Variants in NUBPL observed in about 807,000 individuals in gnomAD.
NUBPL encodes the protein iron-sulfur cluster transfer protein NUBPL.
A neutral mutation model predicts 45.7 loss-of-function variants in NUBPL; 31 were observed. The observed-to-expected ratio is 0.68, with a 90% CI of 0.51 to 0.92. The LOEUF (loss-of-function observed/expected upper bound fraction) is 0.92. Among genes scored for constraint, NUBPL ranks in the 40% least tolerant of loss-of-function variants. NUBPL has a pLI of 0.00. For synonymous variants in NUBPL, 144 were observed against 140.9 expected, an observed-to-expected ratio of 1.02 and a Z score of -0.15; for missense variants, 401 against 398.7, an observed-to-expected ratio of 1.01 and a Z score of -0.05.
chr14:31,636,786 C>A (rs1163680877), intron 4 of NUBPL, among the ~76,000 whole-genome samples: 1 of 152,158 alleles, frequency 6.6e-6, no homozygotes, highest in Non-Finnish European at 1.5e-5. Context: ...TTGGTCTATT[C>A]AGAGATTCAA....
chr14:31,564,996 T>A lies in NUBPL; in HGVS notation c.257-18T>A. 6.8e-7 allele frequency: 1 copy of A among 1,469,480 alleles called. No homozygotes were observed. The highest frequency in any genetic ancestry group is 1.4e-5 in the African/African-American group (1 of 72,398). The allele number at this position is 1,469,480 out of a possible 1,614,324, so 91.0% of individuals were successfully genotyped here. ...AAGGAAAGTTACTAAATTCAATTAC[T>A]TTTTTTGTTTCTTACAGTGAATCTT... On this transcript the variant is annotated intron_variant, in intron 2 of 10. Coordinates refer to ENST00000281081, the MANE Select transcript of NUBPL (RefSeq NM_025152.3).
Position 31,850,034 on chromosome 14 carries a change from T to C in NUBPL, c.815-85T>C, listed in dbSNP as rs773508107. On this transcript the variant is annotated intron_variant, in intron 9 of 10. Coordinates refer to ENST00000281081, the MANE Select transcript of NUBPL (RefSeq NM_025152.3). The stretch of plus-strand genomic sequence containing the variant: ...TTGAATCAATTTAGTTCCGATTTTG[T>C]TTCTTTCCATAGTTCAAATAGTGAG... 38 of 985,700 alleles carry C rather than the reference T, an allele frequency of 3.9e-5. No homozygotes were observed. In the Middle Eastern group the frequency reaches 3.6e-3, roughly 92 times the overall value. The allele number at this position is 985,700 out of a possible 1,614,324, so 61.1% of individuals were successfully genotyped here.
Position 31,681,165 on chromosome 14 carries a change from A to G in NUBPL, c.513+7591A>G, listed in dbSNP as rs180958946. On this transcript the variant is annotated intron_variant, in intron 6 of 10. Transcript: ENST00000281081. Reference sequence around the variant, plus strand: ...GGTTTAAATGTTGGTATTTGAAGGAATTTATCGGTGAAACCCAGGCTTGGC... The same window carrying G: ...GGTTTAAATGTTGGTATTTGAAGGAGTTTATCGGTGAAACCCAGGCTTGGC... Among the ~76,000 whole-genome samples, 305 of 152,094 alleles carry G rather than the reference A, an allele frequency of 2.0e-3. 1 individual carries two copies. Among genetic ancestry groups the G allele is most frequent in the African/African-American group, 6.8e-3 (281 of 41,516 alleles).
intron 4 of NUBPL, among the ~76,000 whole-genome samples, chr14:31,604,690 C>T (rs1301724716): frequency 6.6e-6 from 1 of 152,124 alleles, no homozygotes; most frequent in Non-Finnish European, 1.5e-5. Context: ...TCCACATTCT[C>T]TTCATACCTT....
intron 3 of NUBPL, 120 bp downstream of exon 3, chr14:31,565,168 A>G (rs956646472): frequency 6.8e-6 from 4 of 589,498 alleles, no homozygotes; most frequent in South Asian, 2.4e-5. Context: ...AGTGAGTTGC[A>G]TATCTTTAAG....
Position 31,562,166 on chromosome 14 carries a change from T to A in NUBPL, c.207T>A (p.Val69=), listed in dbSNP as rs1215138054. 6.2e-7 allele frequency: 1 copy of A among 1,613,992 alleles called. No homozygotes were observed. The highest frequency in any genetic ancestry group is 1.3e-5 in the African/African-American group (1 of 74,936). ...KQKPIEGVKQ[V]IVVASGKGGV... is the part of the protein sequence containing the mutation. ...AACCGATAGAAGGTGTTAAACAAGT[T>A]ATAGTTGTGGCTTCTGGAAAGGGTG... Residue 69 remains valine, a synonymous_variant, in exon 2 of 11, where the codon GTT becomes GTA. Transcript: ENST00000281081.
At chr14:31,736,306 T>G (rs556327285) in intron 6 of NUBPL, among the ~76,000 whole-genome samples, 1 of 152,314 alleles carries the variant, frequency 6.6e-6, no homozygotes, top group South Asian at 2.1e-4. Flanking sequence ...TAAAATATTG[T>G]GCACACCTGA....
At chr14:31,782,289 G>T (rs61247283) in intron 6 of NUBPL, among the ~76,000 whole-genome samples, 7,443 of 152,186 alleles carry the variant, frequency 0.049, 239 homozygotes, top group African/African-American at 0.071. Flanking sequence ...CAGCTACTCA[G>T]GAGGCTGAGA....
chr14:31,819,241 G>T (rs1198051483), intron 7 of NUBPL, among the ~76,000 whole-genome samples: 5 of 152,146 alleles, frequency 3.3e-5, no homozygotes, highest in African/African-American at 1.2e-4. Flanking sequence ...TTAAACATCA[G>T]ATGTTGAATG....
chr14:31,591,559 A>G (rs1421440178), intron 3 of NUBPL, among the ~76,000 whole-genome samples: 1 of 152,140 alleles, frequency 6.6e-6, no homozygotes, highest in African/African-American at 2.4e-5. Flanking sequence ...CCAGTAGAAA[A>G]AGGAAGATGA....
At chr14:31,650,283 CTTTCTT>C (rs1352783258) in intron 4 of NUBPL, among the ~76,000 whole-genome samples, 8 of 90,696 alleles carry the variant, frequency 8.8e-5, no homozygotes, top group African/African-American at 2.8e-4. Flanking sequence ...GAATGGCTTT[CTTTCTT>C]TTTTTTTTTT....
At chr14:31,663,936 T>A (rs935838969) in intron 4 of NUBPL, among the ~76,000 whole-genome samples, 1 of 152,220 alleles carries the variant, frequency 6.6e-6, no homozygotes, top group Non-Finnish European at 1.5e-5. Flanking sequence ...GTAGTTCTCC[T>A]TGAAGAGGTC....
chr14:31,703,799 C>T (rs977592026), intron 6 of NUBPL, among the ~76,000 whole-genome samples: 1 of 152,204 alleles, frequency 6.6e-6, no homozygotes, highest in African/African-American at 2.4e-5. Context: ...TGGGCTCAAT[C>T]GCCCAATACC....
chr14:31,653,376 C>T (rs1395885101), intron 4 of NUBPL, among the ~76,000 whole-genome samples: 1 of 152,114 alleles, frequency 6.6e-6, no homozygotes, highest in Non-Finnish European at 1.5e-5. Context: ...GACAGACACT[C>T]CCAGAGCAGC....
chr14:31,562,504 G>T (rs1239735929), intron 2 of NUBPL, among the ~76,000 whole-genome samples: 2 of 151,634 alleles, frequency 1.3e-5, no homozygotes, highest in East Asian at 3.9e-4. Context: ...TCATAAGATG[G>T]TTATTCAAAT....
chr14:31,669,589 T>C (rs2036520735), intron 4 of NUBPL, among the ~76,000 whole-genome samples: 3 of 152,042 alleles, frequency 2.0e-5, no homozygotes, highest in Non-Finnish European at 4.4e-5. Flanking sequence ...TACTCAATAG[T>C]TATATTTTTT....
chr14:31,820,485 G>A (rs113760256), intron 7 of NUBPL, among the ~76,000 whole-genome samples: 13 of 152,208 alleles, frequency 8.5e-5, no homozygotes, highest in South Asian at 4.2e-4. Flanking sequence ...CTGTTAAGTC[G>A]AATGATACAG....
intron 6 of NUBPL, among the ~76,000 whole-genome samples, chr14:31,696,169 C>T (rs1276159637): frequency 1.3e-5 from 2 of 152,140 alleles, no homozygotes; most frequent in Admixed American, 1.3e-4. Context: ...AACCCAACAC[C>T]CAGGGAAGAT....
intron 6 of NUBPL, among the ~76,000 whole-genome samples, chr14:31,706,381 T>G (rs2037452812): frequency 6.6e-6 from 1 of 152,158 alleles, no homozygotes; most frequent in Non-Finnish European, 1.5e-5. Context: ...CAGTTGAGCT[T>G]GATGGCCTCA....
Sources: allele counts gnomAD v4.1 joint callset (sites outside exome capture counted in the v4.1 genomes callset), GRCh38; gene constraint gnomAD v4.1.1; transcripts MANE v1.5; gene names NCBI Gene and HGNC (gene_info 2026-07-23, HGNC 2026-07-21).